The following TBC1D1 variants were observed in gnomAD, a reference collection of about 807,000 sequenced individuals.
TBC1D1 encodes the protein TBC1 domain family member 1.
Under a neutral mutation model 125.6 loss-of-function variants are expected in TBC1D1, and 89 were observed. The observed-to-expected ratio is 0.71, with a 90% CI of 0.60 to 0.85. The LOEUF is 0.85. Among genes scored for constraint, TBC1D1 ranks in the 40% least tolerant of loss-of-function variants. The pLI is 0.00. For missense variants in TBC1D1, 1,377 were observed against 1,469.2 expected, an observed-to-expected ratio of 0.94 and a Z score of 1.03; for synonymous variants, 565 against 564.1, an observed-to-expected ratio of 1.00 and a Z score of -0.02.
intron 15 of TBC1D1, among the ~76,000 whole-genome samples, chr4:38,112,577 C>T (rs1460631583): frequency 6.6e-6 from 1 of 152,226 alleles, no homozygotes. Flanking sequence ...AGCTAAGGTT[C>T]AGAGAAGCTA....
chr4:38,035,819 T>G, intron 8 of TBC1D1, 121 bp downstream of exon 8: 1 of 752,152 alleles, frequency 1.3e-6, no homozygotes. Context: ...TTATTTTCCT[T>G]TGTTGCACAT....
At chr4:38,046,110 A>C (rs1455114635) in intron 10 of TBC1D1, among the ~76,000 whole-genome samples, 1 of 152,202 alleles carries the variant, frequency 6.6e-6, no homozygotes, top group Non-Finnish European at 1.5e-5. Flanking sequence ...CAACGCCTGT[A>C]ATCTCAGCAC....
chr4:38,016,823 G>GT (rs1017068071), intron 3 of TBC1D1, among the ~76,000 whole-genome samples: 1 of 152,192 alleles, frequency 6.6e-6, no homozygotes, highest in African/African-American at 2.4e-5. Context: ...TCAGGGTTTT[G>GT]TTTTTTATCC....
intron 13 of TBC1D1, among the ~76,000 whole-genome samples, chr4:38,094,230 G>T (rs1025593441): frequency 1.3e-5 from 2 of 152,188 alleles, no homozygotes; most frequent in African/African-American, 4.8e-5. Context: ...TAACAGAGCA[G>T]AATTGGGGAT....
chr4:37,961,371 A>T (rs532954348), intron 2 of TBC1D1, among the ~76,000 whole-genome samples: 20 of 152,246 alleles, frequency 1.3e-4, no homozygotes, highest in African/African-American at 4.8e-4. Context: ...CTAGCAGCAA[A>T]GGGAGATAAT....
chr4:38,021,884 G>C (rs978225157), intron 6 of TBC1D1, among the ~76,000 whole-genome samples, 166 bp downstream of exon 6: 2 of 152,196 alleles, frequency 1.3e-5, no homozygotes, highest in Non-Finnish European at 2.9e-5. Context: ...CTGTATGTCA[G>C]GAATTGTGCC....
At chr4:37,987,094 G>C (rs996668964) in intron 2 of TBC1D1, among the ~76,000 whole-genome samples, 2 of 152,182 alleles carry the variant, frequency 1.3e-5, no homozygotes, top group East Asian at 3.8e-4. Flanking sequence ...TCTAATATGA[G>C]AGATTGACTT....
rs1356286268 is a variant in TBC1D1, at chr4:38,046,608, GTAAT to G, written c.1629+707_1629+710del. Among the ~76,000 whole-genome samples, 7 of 152,192 alleles carry G rather than the reference GTAAT, an allele frequency of 4.6e-5. No individual in the cohort carries two copies. In the East Asian group the frequency reaches 1.2e-3, roughly 25 times the overall value. On this transcript the variant is annotated intron_variant, in intron 10 of 19. Coordinates refer to ENST00000261439, the MANE Select transcript of TBC1D1 (RefSeq NM_015173.4). Reference sequence around the variant, plus strand: ...AAATAGTGAACATTGTACCCAGTAGGTAATTTTTCAACCTTCACACCCCCTTTCA... The same window carrying G: ...AAATAGTGAACATTGTACCCAGTAGGTTTTCAACCTTCACACCCCCTTTCA...
chr4:37,957,045 G>A (rs887038845), intron 2 of TBC1D1, among the ~76,000 whole-genome samples: 3 of 152,064 alleles, frequency 2.0e-5, no homozygotes, highest in African/African-American at 7.2e-5. Flanking sequence ...TCCGGTCTTT[G>A]GGATTATCTG....
chr4:37,993,065 A>G (rs1164855035), intron 2 of TBC1D1, among the ~76,000 whole-genome samples: 5 of 152,082 alleles, frequency 3.3e-5, no homozygotes, highest in African/African-American at 1.2e-4. Flanking sequence ...CAGCCTCCCA[A>G]AATGTTGGGA....
At chr4:38,101,435 G>C (rs1304139058) in intron 14 of TBC1D1, among the ~76,000 whole-genome samples, 1 of 152,206 alleles carries the variant, frequency 6.6e-6, no homozygotes, top group Non-Finnish European at 1.5e-5. Flanking sequence ...GTTCAAAACT[G>C]TCACCTTTTA....
rs1766508745 is a variant in TBC1D1 at position 38,135,926 on chromosome 4, G to GTGTGTGTGTATA, written c.3307-1200_3307-1199insATATGTGTGTGT. Among the ~76,000 whole-genome samples, 3 of 52,958 alleles carry GTGTGTGTGTATA rather than the reference G, an allele frequency of 5.7e-5. No individual in the cohort carries two copies. In the South Asian group the frequency reaches 1.5e-3, roughly 27 times the overall value. The allele number at this position is 52,958 out of a possible 152,430, so 34.7% of individuals were successfully genotyped here. On this transcript the variant is annotated intron_variant, in intron 19 of 19. Coordinates refer to ENST00000261439, the MANE Select transcript of TBC1D1 (RefSeq NM_015173.4). ...TGTATATATACGTGTGTGTGTATAT[G>GTGTGTGTGTATA]TGTGTGTGTGTGTGTGTGTGTGTGT...
At chr4:37,983,121 CTTTTTTTTTTT>C (rs71190937) in intron 2 of TBC1D1, among the ~76,000 whole-genome samples, 31 of 116,604 alleles carry the variant, frequency 2.7e-4, no homozygotes, top group Non-Finnish European at 4.6e-4. Context: ...TCCCCAAACT[CTTTTTTTTTTT>C]TTTTTTTTTC....
intron 15 of TBC1D1, among the ~76,000 whole-genome samples, chr4:38,104,166 A>AG (rs1268282591): frequency 2.3e-5 from 2 of 88,410 alleles, no homozygotes; most frequent in Non-Finnish European, 5.4e-5. Context: ...TCTCAAAAAA[A>AG]AAAAAAAAAA....
At chr4:37,946,557 A>AT (rs1726734611) in intron 2 of TBC1D1, among the ~76,000 whole-genome samples, 1 of 152,156 alleles carries the variant, frequency 6.6e-6, no homozygotes, top group Non-Finnish European at 1.5e-5. Flanking sequence ...GAAGTCAATA[A>AT]TTTTTTCATG....
intron 12 of TBC1D1, among the ~76,000 whole-genome samples, chr4:38,084,275 A>G (rs1014726759): frequency 6.6e-6 from 1 of 152,206 alleles, no homozygotes; most frequent in African/African-American, 2.4e-5. Context: ...CTCTAGCTAG[A>G]CTGTCATATA....
chr4:38,027,518 A>G (rs1272448679), intron 6 of TBC1D1, among the ~76,000 whole-genome samples: 1 of 152,168 alleles, frequency 6.6e-6, no homozygotes, highest in Non-Finnish European at 1.5e-5. Context: ...AGTCCCAGGT[A>G]CTGGGGAGGC....
intron 1 of TBC1D1, among the ~76,000 whole-genome samples, chr4:37,900,964 T>C (rs1715841903): frequency 6.6e-6 from 1 of 150,756 alleles, no homozygotes; most frequent in African/African-American, 2.4e-5. Context: ...CCCAGCTACT[T>C]GGAAGGCTGA....
intron 2 of TBC1D1, among the ~76,000 whole-genome samples, chr4:37,975,821 G>A (rs183910277): frequency 1.3e-5 from 2 of 152,036 alleles, no homozygotes; most frequent in East Asian, 1.9e-4. Flanking sequence ...AATGATTAAT[G>A]ATATTCATAT....
Sources: gnomAD v4.1 joint callset for allele counts (sites outside exome capture counted in the v4.1 genomes callset) on GRCh38, gnomAD v4.1.1 for gene constraint, MANE v1.5 for transcripts, NCBI Gene and HGNC (gene_info 2026-07-23, HGNC 2026-07-21) for gene names.